The following SSBP2 variants were observed in gnomAD, a reference collection of about 807,000 sequenced individuals.
The protein encoded by SSBP2 is single stranded DNA binding protein 2.
A neutral mutation model predicts 61.8 loss-of-function variants in SSBP2; 17 were observed. That is an observed-to-expected ratio of 0.28 (90% CI 0.19 to 0.41). The LOEUF is 0.41. Ranked by LOEUF, SSBP2 falls within the 10% of genes least tolerant of loss-of-function variation. The probability of loss-of-function intolerance (pLI) is 1.00; values close to 1 mark genes in which losing one functional copy is unlikely to be tolerated. For synonymous variants in SSBP2, 139 were observed against 141.3 expected (o/e 0.98, Z 0.12); for missense variants, 310 against 458.7 (o/e 0.68, Z 2.96).
chr5:81,500,739 G>A (rs1418235379), intron 5 of SSBP2, among the ~76,000 whole-genome samples: 2 of 151,920 alleles, frequency 1.3e-5, no homozygotes, highest in African/African-American at 2.4e-5. Context: ...GATTACAGGC[G>A]TCAGCCACTG....
chr5:81,672,148 T>A (rs1305270643), intron 1 of SSBP2, among the ~76,000 whole-genome samples: 1 of 152,186 alleles, frequency 6.6e-6, no homozygotes, highest in Non-Finnish European at 1.5e-5. Flanking sequence ...GCTTATATAA[T>A]GCTTCCACAT....
At chr5:81,616,761 G>A (rs190900027) in intron 3 of SSBP2, among the ~76,000 whole-genome samples, 1,679 of 148,330 alleles carry the variant, frequency 0.011, 15 homozygotes, top group Non-Finnish European at 0.019. Context: ...ATCTGAGAAC[G>A]GGCAGACTGC....
chr5:81,540,954 TA>T (rs1286968135), intron 4 of SSBP2, among the ~76,000 whole-genome samples: 1 of 151,366 alleles, frequency 6.6e-6, no homozygotes, highest in Non-Finnish European at 1.5e-5. Flanking sequence ...GGTATCCAAA[TA>T]AGAAAAGAAG....
Position 81,414,541 on chromosome 5 carries a change from A to C in SSBP2, c.*5963T>G, listed in dbSNP as rs2153868294. ...GGGTAAAGCTAACTTTTTTTGTGTGAAATAAGTTAATAATGCCAATTCAGT... is the reference window on the plus strand; with the variant it reads ...GGGTAAAGCTAACTTTTTTTGTGTGCAATAAGTTAATAATGCCAATTCAGT... On this transcript the variant is annotated 3_prime_UTR_variant, in exon 17 of 17. Coordinates refer to ENST00000320672, the MANE Select transcript of SSBP2 (RefSeq NM_012446.5). The C allele has an allele frequency of 6.6e-6, 1 of 152,324 alleles. No individual in the cohort carries two copies. Among genetic ancestry groups the C allele is most frequent in the South Asian group, 2.1e-4 (1 of 4,830 alleles). The allele number at this position is 152,324 out of a possible 1,614,324, so 9.4% of individuals were successfully genotyped here. A position where few individuals can be genotyped will look rare whatever the true frequency, so the allele number is the denominator to read the frequency against.
At chr5:81,574,471 G>C (rs761658678) in intron 4 of SSBP2, among the ~76,000 whole-genome samples, 2 of 151,798 alleles carry the variant, frequency 1.3e-5, no homozygotes, top group Admixed American at 6.6e-5. Flanking sequence ...TGGAATCCCA[G>C]AATAAAAGGA....
chr5:81,583,147 T>C (rs1480750373), intron 4 of SSBP2, among the ~76,000 whole-genome samples: 1 of 151,646 alleles, frequency 6.6e-6, no homozygotes, highest in Non-Finnish European at 1.5e-5. Flanking sequence ...ATCCCAGGAG[T>C]TGGAGGCTGC....
Position 81,420,539 on chromosome 5 carries a change from A to T in SSBP2, c.1057-6T>A. 1 of 1,612,984 alleles carries T rather than the reference A, an allele frequency of 6.2e-7. No individual in the cohort carries two copies. Among genetic ancestry groups the T allele is most frequent in the Non-Finnish European group, 8.5e-7 (1 of 1,178,988 alleles). ...ATTGTCATGCTAGGGGAGTACTAGA[A>T]GGAAAGAAGAATCCATATTTTAACA... On this transcript the variant is annotated splice_polypyrimidine_tract_variant and splice_region_variant and intron_variant, in intron 16 of 16. Transcript: ENST00000320672.
At chr5:81,574,028 C>T (rs1365758862) in intron 4 of SSBP2, among the ~76,000 whole-genome samples, 1 of 151,994 alleles carries the variant, frequency 6.6e-6, no homozygotes, top group South Asian at 2.1e-4. Context: ...GTAGTCCCAG[C>T]TACTCGGGAG....
chr5:81,686,454 T>A (rs931662688), intron 1 of SSBP2, among the ~76,000 whole-genome samples: 6 of 152,194 alleles, frequency 3.9e-5, no homozygotes, highest in Non-Finnish European at 8.8e-5. Context: ...TTAGGAAATG[T>A]ATTTTTTATA....
At chr5:81,679,429 ACAAT>A (rs1219017040) in intron 1 of SSBP2, among the ~76,000 whole-genome samples, 1 of 152,226 alleles carries the variant, frequency 6.6e-6, no homozygotes, top group Non-Finnish European at 1.5e-5. Context: ...AATGACAGCA[ACAAT>A]AAAAGGAATG....
In SSBP2 at chr5:81,506,744, T is replaced by C. The variant is rs140799089; in HGVS notation, c.372+6884A>G. On this transcript the variant is annotated intron_variant, in intron 5 of 16. Transcript: ENST00000320672. ...ATAGGAATAGCAGAGTAGATGAATA[T>C]AGATACTAAGGTATCTTCAAAATGC... Among the ~76,000 whole-genome samples the C allele has an allele frequency of 3.3e-3, 495 of 152,286 alleles. 3 individuals are homozygous for C. Among genetic ancestry groups the C allele is most frequent in the African/African-American group, 0.011 (470 of 41,570 alleles).
chr5:81,460,091 A>C (rs1225475950), intron 10 of SSBP2, among the ~76,000 whole-genome samples: 1 of 152,250 alleles, frequency 6.6e-6, no homozygotes, highest in Non-Finnish European at 1.5e-5. Context: ...GCTTCAAAAC[A>C]GCAATGGATT....
At chr5:81,576,137 C>A (rs956288832) in intron 4 of SSBP2, among the ~76,000 whole-genome samples, 4 of 151,866 alleles carry the variant, frequency 2.6e-5, no homozygotes, top group Non-Finnish European at 5.9e-5. Flanking sequence ...CATTCAGACT[C>A]CCCAGTGCCA....
chr5:81,622,533 T>C (rs1467012415), intron 3 of SSBP2, among the ~76,000 whole-genome samples: 1 of 152,186 alleles, frequency 6.6e-6, no homozygotes, highest in Non-Finnish European at 1.5e-5. Context: ...TTTCCTCCTC[T>C]ATAAAATGGG....
chr5:81,446,853 G>C lies in SSBP2; in HGVS notation c.778+15C>G. 2 of 1,603,958 alleles carry C rather than the reference G, an allele frequency of 1.2e-6. No individual in the cohort carries two copies. Among genetic ancestry groups the C allele is most frequent in the Non-Finnish European group, 1.7e-6 (2 of 1,176,248 alleles). On this transcript the variant is annotated intron_variant, in intron 12 of 16. Coordinates refer to ENST00000320672, the MANE Select transcript of SSBP2 (RefSeq NM_012446.5). ...TAATAATCAAATGCCCATGTGGCTAGTTTGATTACAATACCTGCTGGACTA... is the reference window on the plus strand; with the variant it reads ...TAATAATCAAATGCCCATGTGGCTACTTTGATTACAATACCTGCTGGACTA...
At chr5:81,542,693 A>G (rs1771369556) in intron 4 of SSBP2, among the ~76,000 whole-genome samples, 1 of 151,956 alleles carries the variant, frequency 6.6e-6, no homozygotes, top group Admixed American at 6.6e-5. Context: ...AATCCTCATA[A>G]TCCCCATGTG....
intron 4 of SSBP2, among the ~76,000 whole-genome samples, chr5:81,555,264 C>T (rs1449983454): frequency 2.6e-5 from 4 of 151,846 alleles, no homozygotes; most frequent in Non-Finnish European, 2.9e-5. Context: ...AAACTAAGAA[C>T]ATCTGTATAA....
At chr5:81,742,737 G>C (rs1465823573) in intron 1 of SSBP2, among the ~76,000 whole-genome samples, 1 of 152,044 alleles carries the variant, frequency 6.6e-6, no homozygotes, top group African/African-American at 2.4e-5. Flanking sequence ...TTAGCCAAGT[G>C]TGGTGGTGCA....
intron 3 of SSBP2, among the ~76,000 whole-genome samples, chr5:81,628,783 C>T (rs1375036580): frequency 6.6e-6 from 1 of 152,178 alleles, no homozygotes; most frequent in Non-Finnish European, 1.5e-5. Context: ...AAGTCAATCA[C>T]ACAAATTTCT....
Sources: allele counts gnomAD v4.1 joint callset (sites outside exome capture counted in the v4.1 genomes callset), GRCh38; gene constraint gnomAD v4.1.1; transcripts MANE v1.5; gene names NCBI Gene and HGNC (gene_info 2026-07-23, HGNC 2026-07-21).